The following RANBP17 variants were observed in gnomAD, a reference collection of about 807,000 sequenced individuals.
RANBP17 encodes the protein ran-binding protein 17.
Under a neutral mutation model 141.2 loss-of-function variants are expected in RANBP17, and 158 were observed. The observed-to-expected ratio is 1.12, with a 90% confidence interval of 0.98 to 1.28. RANBP17 has a LOEUF of 1.28. RANBP17 is among the 50% of genes most tolerant of loss of function. The probability of loss-of-function intolerance (pLI) is 0.00; values close to 1 mark genes in which losing one functional copy is unlikely to be tolerated. For synonymous variants in RANBP17, 430 were observed against 450.0 expected (o/e 0.96, Z 0.56); for missense variants, 1,438 against 1,290.7 (o/e 1.11, Z -1.75).
At chr5:171,267,081 T>C (rs1766764288) in intron 25 of RANBP17, among the ~76,000 whole-genome samples, 1 of 147,984 alleles carries the variant, frequency 6.8e-6, no homozygotes, top group Admixed American at 6.8e-5. Context: ...TTTGCTGTAG[T>C]GCAGTGGCAC....
intron 24 of RANBP17, among the ~76,000 whole-genome samples, chr5:171,247,331 G>T (rs992317159): frequency 6.6e-6 from 1 of 152,158 alleles, no homozygotes; most frequent in Non-Finnish European, 1.5e-5. Flanking sequence ...ACTCTAGCAG[G>T]TGAATTTGGG....
intron 22 of RANBP17, among the ~76,000 whole-genome samples, chr5:171,228,189 C>G (rs1390166887): frequency 6.6e-6 from 1 of 152,180 alleles, no homozygotes; most frequent in Non-Finnish European, 1.5e-5. Flanking sequence ...TGAAAGCCTT[C>G]CAGAAAGGAT....
chr5:171,007,207 G>A (rs1479944311), intron 14 of RANBP17, among the ~76,000 whole-genome samples: 1 of 152,160 alleles, frequency 6.6e-6, no homozygotes, highest in Admixed American at 6.6e-5. Flanking sequence ...ATGAGAAAGA[G>A]CCTAAACGCT....
intron 2 of RANBP17, among the ~76,000 whole-genome samples, chr5:170,881,266 G>A (rs906057968): frequency 7.2e-5 from 11 of 152,146 alleles, no homozygotes; most frequent in Non-Finnish European, 4.4e-5. Flanking sequence ...TCTAGGAGGT[G>A]GAGTGAATAC....
chr5:170,979,746 ACAT>A (rs1777631729), intron 14 of RANBP17, among the ~76,000 whole-genome samples: 1 of 152,192 alleles, frequency 6.6e-6, no homozygotes, highest in Non-Finnish European at 1.5e-5. Context: ...AGTCCAGTAA[ACAT>A]CTTTCTTTTG....
intron 18 of RANBP17, among the ~76,000 whole-genome samples, chr5:171,199,315 A>G (rs891012866): frequency 1.3e-5 from 2 of 152,194 alleles, no homozygotes; most frequent in Non-Finnish European, 2.9e-5. Context: ...GGGGGAAAAA[A>G]AAAACACTGC....
chr5:170,957,647 G>T (rs1402358229), intron 13 of RANBP17, among the ~76,000 whole-genome samples: 1 of 152,092 alleles, frequency 6.6e-6, no homozygotes, highest in East Asian at 1.9e-4. Context: ...TTTTCATACT[G>T]TTGTGCTTTT....
At chr5:171,246,492 C>T (rs978660889) in intron 24 of RANBP17, among the ~76,000 whole-genome samples, 3 of 152,252 alleles carry the variant, frequency 2.0e-5, no homozygotes, top group South Asian at 2.1e-4. Context: ...ACCATTGTTT[C>T]GTATAATTTG....
In RANBP17 at chr5:170,878,115, G is replaced by T; in HGVS notation, c.37G>T (p.Val13Leu). The change falls in exon 2 of 28, where the codon GTG becomes TTG. Residue 13 changes from valine to leucine, a missense_variant. Physicochemically the swap from Val to Leu is conservative, Grantham distance 32 (BLOSUM62 1). Coordinates refer to ENST00000523189, the MANE Select transcript of RANBP17 (RefSeq NM_022897.5). The part of the protein sequence containing the change: ...LHFQSLAELE[V>L]LCTHLYIGTD... ...TTTGAAGAGTTTGGCTGAATTGGAA[G>T]TGTTATGTACTCATCTCTACATAGG... 6.4e-7 allele frequency: 1 copy of T among 1,563,238 alleles called. No individual in the cohort carries two copies. The highest frequency in any genetic ancestry group is 1.3e-5 in the South Asian group (1 of 79,168).
At chr5:171,277,403 A>G (rs1040918738) in intron 25 of RANBP17, among the ~76,000 whole-genome samples, 1 of 151,760 alleles carries the variant, frequency 6.6e-6, no homozygotes, top group Non-Finnish European at 1.5e-5. Flanking sequence ...TTCTTACCAT[A>G]CTATTCCAAA....
In RANBP17 at chr5:170,924,539, C is replaced by T. The variant is rs1158589727; in HGVS notation, c.1457C>T (p.Thr486Ile). 5.0e-6 allele frequency: 8 copies of T among 1,596,150 alleles called. No homozygotes were observed. Among genetic ancestry groups the T allele is most frequent in the East Asian group, 2.3e-5 (1 of 44,426 alleles). Residue 486 changes from threonine to isoleucine, a missense_variant, in exon 12 of 28, where the codon ACC (threonine) becomes ATC (isoleucine). Thr to Ile is a moderately conservative substitution (Grantham distance 89, BLOSUM62 -1). Coordinates refer to ENST00000523189, the MANE Select transcript of RANBP17 (RefSeq NM_022897.5). Reference sequence around the variant, plus strand: ...TATTCTGGTGTAACTGTGGACATCACCATTCAGGAAGGTCAGTAAACTTTA... The same window carrying T: ...TATTCTGGTGTAACTGTGGACATCATCATTCAGGAAGGTCAGTAAACTTTA... ...HPYSGVTVDI[T>I]IQEGRLAWLV...
At chr5:170,903,726 C>A in intron 5 of RANBP17, 1 of 310,728 alleles carries the variant, frequency 3.2e-6, no homozygotes, top group South Asian at 3.9e-5. Flanking sequence ...CAAAGTCGAC[C>A]TCATAGTGAA....
chr5:171,068,646 A>T (rs1784448365), intron 14 of RANBP17, among the ~76,000 whole-genome samples: 1 of 151,820 alleles, frequency 6.6e-6, no homozygotes, highest in Non-Finnish European at 1.5e-5. Flanking sequence ...GAGTGCAGGG[A>T]TGTGATCTCA....
chr5:170,964,500 A>G (rs1776388143), intron 13 of RANBP17, among the ~76,000 whole-genome samples: 1 of 151,956 alleles, frequency 6.6e-6, no homozygotes, highest in Non-Finnish European at 1.5e-5. Context: ...GCACCCATCA[A>G]CTCGTCATTT....
chr5:170,933,983 C>G (rs990707530), intron 12 of RANBP17, among the ~76,000 whole-genome samples: 6 of 152,070 alleles, frequency 3.9e-5, no homozygotes, highest in Non-Finnish European at 8.8e-5. Context: ...AACTTTCTGT[C>G]TCGTTGATCT....
At chr5:171,002,308 A>G (rs1227934806) in intron 14 of RANBP17, among the ~76,000 whole-genome samples, 1 of 150,816 alleles carries the variant, frequency 6.6e-6, no homozygotes, top group Non-Finnish European at 1.5e-5. Context: ...GACTGATGAG[A>G]AGGAGGAAAA....
intron 21 of RANBP17, among the ~76,000 whole-genome samples, chr5:171,214,089 G>A (rs1763070897): frequency 6.6e-6 from 1 of 152,186 alleles, no homozygotes; most frequent in African/African-American, 2.4e-5. Context: ...CAGGAAAGAA[G>A]TTTAGAGGTC....
At position 171,028,077 on chromosome 5, in the gene RANBP17, G is replaced by A. The variant is rs1013372375; in HGVS notation, c.1710+59700G>A. 2.6e-5 allele frequency among the ~76,000 whole-genome samples: 4 copies of A among 151,834 alleles called. No homozygotes were observed. The South Asian group carries it at 6.2e-4, about 24-fold the overall frequency. ...ACATTGAAATTCCAGGCTTTCCCAT[G>A]AAGGAAAACAGTTAAATTAATGCTA... On this transcript the variant is annotated intron_variant, in intron 14 of 27. Coordinates refer to ENST00000523189, the MANE Select transcript of RANBP17 (RefSeq NM_022897.5).
intron 14 of RANBP17, among the ~76,000 whole-genome samples, chr5:171,049,069 A>G (rs1460378930): frequency 6.6e-6 from 1 of 152,216 alleles, no homozygotes; most frequent in African/African-American, 2.4e-5. Flanking sequence ...GCTTTCCACA[A>G]TGGCTGAACT....
Sources: allele counts gnomAD v4.1 joint callset (sites outside exome capture counted in the v4.1 genomes callset), GRCh38; gene constraint gnomAD v4.1.1; transcripts MANE v1.5; gene names NCBI Gene and HGNC (gene_info 2026-07-23, HGNC 2026-07-21).